EHMT1: variants seen among roughly 807,000 people sequenced by gnomAD.
The protein encoded by EHMT1 is histone-lysine N-methyltransferase EHMT1.
In EHMT1, 15 loss-of-function variants were observed where a neutral mutation model predicts 147.2. The observed-to-expected ratio is 0.10, with a 90% CI of 0.07 to 0.16. The LOEUF is 0.16. Ranked by LOEUF, EHMT1 falls within the 10% of genes least tolerant of loss-of-function variation. The pLI, the probability that EHMT1 is intolerant of heterozygous loss-of-function variation, is 1.00. For synonymous variants in EHMT1, 795 were observed against 709.6 expected, an observed-to-expected ratio of 1.12 and a Z score of -1.91; for missense variants, 1,587 against 1,772.4, an observed-to-expected ratio of 0.90 and a Z score of 1.88.
chr9:137,670,844 C>A (rs1286512639), intron 1 of EHMT1, among the ~76,000 whole-genome samples: 1 of 152,130 alleles, frequency 6.6e-6, no homozygotes, highest in African/African-American at 2.4e-5. Flanking sequence ...ATTCTCTGTC[C>A]GCTCGCCTTT....
chr9:137,670,729 G>A (rs951906418), intron 1 of EHMT1, among the ~76,000 whole-genome samples: 3 of 152,184 alleles, frequency 2.0e-5, no homozygotes, highest in Non-Finnish European at 2.9e-5. Context: ...GTTCCTACGG[G>A]CCTGTCTGCG....
rs1948262575 is a variant in EHMT1 at position 137,743,289 on chromosome 9, ACTGT to A, written c.824-79_824-76del. ...TGATTTTGGTGATCAAGTTTTGTAA[ACTGT>A]CTCTTACCTTTGAAAAACATTTGAA... On this transcript the variant is annotated intron_variant, in intron 4 of 26. Coordinates refer to ENST00000460843, the MANE Select transcript of EHMT1 (RefSeq NM_024757.5). 7 of 1,505,500 alleles carry A rather than the reference ACTGT, an allele frequency of 4.6e-6. No individual in the cohort carries two copies. The South Asian group carries it at 5.1e-5, about 11-fold the overall frequency. 93.3% of individuals were successfully genotyped at this position (1,505,500 alleles called of 1,614,324 possible). A position where few individuals can be genotyped will look rare whatever the true frequency, so the allele number is the denominator to read the frequency against.
chr9:137,619,664 G>C (rs1282054048), intron 1 of EHMT1, among the ~76,000 whole-genome samples: 1 of 151,988 alleles, frequency 6.6e-6, no homozygotes, highest in African/African-American at 2.4e-5. Context: ...GAAGCTTGCG[G>C]ACTCAAGTTT....
chr9:137,817,368 G>T, intron 23 of EHMT1, 71 bp from the exon 24 acceptor site: 1 of 1,567,040 alleles, frequency 6.4e-7, no homozygotes, highest in African/African-American at 1.3e-5. Flanking sequence ...GGCACCAGCT[G>T]GCTTTTGCTG....
At chr9:137,671,806 G>A (rs187293260) in intron 1 of EHMT1, among the ~76,000 whole-genome samples, 2 of 152,286 alleles carry the variant, frequency 1.3e-5, no homozygotes, top group South Asian at 2.1e-4. Flanking sequence ...GGGATCACAG[G>A]CATCAGCCAC....
intron 6 of EHMT1, among the ~76,000 whole-genome samples, chr9:137,750,745 C>T (rs945515079): frequency 2.6e-5 from 4 of 152,120 alleles, no homozygotes; most frequent in African/African-American, 9.7e-5. Context: ...CACCGGAGCT[C>T]AGGACGTGGC....
Position 137,619,020 on chromosome 9 carries a change from G to T in EHMT1, c.-9G>T. 1.1e-5 allele frequency: 11 copies of T among 973,448 alleles called. No homozygotes were observed. Among genetic ancestry groups the T allele is most frequent in the South Asian group, 4.6e-5 (1 of 21,892 alleles). The allele number at this position is 973,448 out of a possible 1,614,324, so 60.3% of individuals were successfully genotyped here. On this transcript the variant is annotated 5_prime_UTR_variant, in exon 1 of 27. Coordinates refer to ENST00000460843, the MANE Select transcript of EHMT1 (RefSeq NM_024757.5). ...CGGGAGGGGCGGGGCCACGCTGCGG[G>T]CCCGGGCCATGGCCGCCGCCGATGC...
rs1461263915 is a variant in EHMT1 at position 137,831,179 on chromosome 9, A to AG, written c.3541-3169dup. Among the ~76,000 whole-genome samples, 10 of 152,310 alleles carry AG rather than the reference A, an allele frequency of 6.6e-5. 1 individual carries two copies. The East Asian group carries it at 1.2e-3, about 18-fold the overall frequency. ...CCTAACCTTGGGGTCTCAGCCTGTGAGTCTGGTCGGGGGGCACACACATTC... is the reference window on the plus strand; with the variant it reads ...CCTAACCTTGGGGTCTCAGCCTGTGAGGTCTGGTCGGGGGGCACACACATTC... On this transcript the variant is annotated intron_variant, in intron 25 of 26. Transcript: ENST00000460843.
At chr9:137,681,933 C>T (rs777167189) in intron 1 of EHMT1, among the ~76,000 whole-genome samples, 13 of 151,998 alleles carry the variant, frequency 8.6e-5, no homozygotes, top group South Asian at 8.3e-4. Context: ...ACCGTCCTCG[C>T]GGTTTTTGTG....
At chr9:137,643,587 A>G (rs1412454022) in intron 1 of EHMT1, among the ~76,000 whole-genome samples, 1 of 151,744 alleles carries the variant, frequency 6.6e-6, no homozygotes, top group Non-Finnish European at 1.5e-5. Context: ...TGACCTCGTG[A>G]TCTGCCCACC....
chr9:137,665,258 CTTGA>C (rs1430333188), intron 1 of EHMT1, among the ~76,000 whole-genome samples: 9 of 152,260 alleles, frequency 5.9e-5, no homozygotes, highest in Admixed American at 2.0e-4. Context: ...ACAACTTGGT[CTTGA>C]TTGGAGAGCT....
At chr9:137,818,639 G>A (rs74743739) in intron 25 of EHMT1, among the ~76,000 whole-genome samples, 80 of 40,700 alleles carry the variant, frequency 2.0e-3, no homozygotes, top group Non-Finnish European at 2.7e-3. Flanking sequence ...GAGGGGCGCC[G>A]TGTACCGAGA....
chr9:137,621,958 T>A (rs1842962722), intron 1 of EHMT1, among the ~76,000 whole-genome samples: 1 of 151,908 alleles, frequency 6.6e-6, no homozygotes. Context: ...TTTTTCTTTT[T>A]ATTTTTTTCT....
chr9:137,711,814 C>G (rs1944754987), intron 2 of EHMT1, among the ~76,000 whole-genome samples: 2 of 152,262 alleles, frequency 1.3e-5, no homozygotes, highest in South Asian at 4.2e-4. Flanking sequence ...CTGGCTGGAC[C>G]CATAAGGGTG....
intron 25 of EHMT1, among the ~76,000 whole-genome samples, chr9:137,824,845 A>G (rs1955696953): frequency 6.6e-6 from 1 of 152,210 alleles, no homozygotes; most frequent in African/African-American, 2.4e-5. Context: ...TGTTAAATGT[A>G]TGAATTCTAC....
chr9:137,754,324 G>A (rs1438031199), intron 8 of EHMT1, 33 bp downstream of exon 8: 3 of 1,612,844 alleles, frequency 1.9e-6, no homozygotes, highest in African/African-American at 1.3e-5. Flanking sequence ...CCATCACGGG[G>A]ACTGCCTGGG....
At chr9:137,827,017 G>A (rs1400671132) in intron 25 of EHMT1, among the ~76,000 whole-genome samples, 1 of 152,174 alleles carries the variant, frequency 6.6e-6, no homozygotes, top group Non-Finnish European at 1.5e-5. Flanking sequence ...TGGCCGGGGG[G>A]TCCCCGCCTC....
chr9:137,795,403 A>ACACACACACACACACACG (rs1407075922), intron 16 of EHMT1, among the ~76,000 whole-genome samples: 22 of 15,982 alleles, frequency 1.4e-3, no homozygotes, highest in South Asian at 0.023. Context: ...CGCAGGGTGC[A>ACACACACACACACACACG]CACACACACA....
At chr9:137,773,407 C>A (rs1564732704) in intron 10 of EHMT1, among the ~76,000 whole-genome samples, 1 of 151,868 alleles carries the variant, frequency 6.6e-6, no homozygotes, top group Non-Finnish European at 1.5e-5. Flanking sequence ...GGGGCCCAGA[C>A]TGTCTTTTAA....
Sources: gnomAD v4.1 joint callset for allele counts (sites outside exome capture counted in the v4.1 genomes callset) on GRCh38, gnomAD v4.1.1 for gene constraint, MANE v1.5 for transcripts, NCBI Gene and HGNC (gene_info 2026-07-23, HGNC 2026-07-21) for gene names.